Variants in PYROXD1 observed in about 807,000 individuals in gnomAD.
PYROXD1 encodes pyridine nucleotide-disulphide oxidoreductase domain 1, also known as tRNA ligase complex-associated NAD(P)H dehydrogenase PYROXD1.
PYROXD1 carries 42 observed loss-of-function variants against 62.0 expected under a neutral mutation model. That is an observed-to-expected ratio of 0.68 (90% CI 0.53 to 0.88). PYROXD1 has a LOEUF of 0.88. Among genes scored for constraint, PYROXD1 ranks in the 40% least tolerant of loss-of-function variants. PYROXD1 has a pLI of 0.00. For missense variants in PYROXD1, 493 were observed against 604.8 expected (o/e 0.82, Z 1.94); for synonymous variants, 170 against 206.4 (o/e 0.82, Z 1.51).
In PYROXD1 at chr12:21,445,346, G is replaced by A. The variant is rs748028109; in HGVS notation, c.166-1G>A. 1.3e-6 allele frequency: 2 copies of A among 1,587,632 alleles called. No individual in the cohort carries two copies. Among genetic ancestry groups the A allele is most frequent in the Non-Finnish European group, 1.7e-6 (2 of 1,172,128 alleles). On this transcript the variant is annotated splice_acceptor_variant, in intron 2 of 11. Transcript: ENST00000240651. LOFTEE classifies it high-confidence loss of function. ...ATTTTTAATCTCTTGGATCTATACAGATTTCTAAAATATTGGAAGAATTCG... is the reference window on the plus strand; with the variant it reads ...ATTTTTAATCTCTTGGATCTATACAAATTTCTAAAATATTGGAAGAATTCG...
rs1005297794 is a variant in PYROXD1, at chr12:21,461,931, T to C, written c.881-77T>C. On this transcript the variant is annotated intron_variant, in intron 8 of 11. Coordinates refer to ENST00000240651, the MANE Select transcript of PYROXD1 (RefSeq NM_024854.5). ...CTTTTTCTTTCTTTGTTTCTAGTCA[T>C]TGTAGTCACATACACTGCTGTGGTG... 10 of 738,920 alleles carry C rather than the reference T, an allele frequency of 1.4e-5. No homozygotes were observed. In the African/African-American group the frequency reaches 1.8e-4, roughly 13 times the overall value. The allele number at this position is 738,920 out of a possible 1,614,324, so 45.8% of individuals were successfully genotyped here. A position where few individuals can be genotyped will look rare whatever the true frequency, so the allele number is the denominator to read the frequency against.
Position 21,470,169 on chromosome 12 carries a change from A to G in PYROXD1, c.*1415A>G, listed in dbSNP as rs1305914608. The G allele has an allele frequency of 1.2e-6, 2 of 1,609,064 alleles. No individual in the cohort carries two copies. Among genetic ancestry groups the G allele is most frequent in the Non-Finnish European group, 1.7e-6 (2 of 1,177,542 alleles). ...CATATACATGCATAAACCATCTTTA[A>G]TTAGAAAATTTAGTAACATTCATAT... On this transcript the variant is annotated 3_prime_UTR_variant, in exon 12 of 12. Coordinates refer to ENST00000240651, the MANE Select transcript of PYROXD1 (RefSeq NM_024854.5).
chr12:21,452,100 C>A lies in PYROXD1; in HGVS notation c.434C>A (p.Thr145Asn). Residue 145 changes from threonine (T) to asparagine (N), a missense_variant, in exon 5 of 12, where the codon ACT becomes AAT. By Grantham distance (65) the Thr-to-Asn change is moderately conservative (BLOSUM62 0). Transcript: ENST00000240651. ...DSAQEFQKQL[T>N]KAKRIMIIGN... Reference sequence around the variant, plus strand: ...ACATAGGAATTTCAGAAACAGCTTACTAAAGCTAAAAGAATAATGATCATA... The same window carrying A: ...ACATAGGAATTTCAGAAACAGCTTAATAAAGCTAAAAGAATAATGATCATA... 1 of 1,587,320 alleles carries A rather than the reference C, an allele frequency of 6.3e-7. No homozygotes were observed.
At chr12:21,439,112 A>G (rs1286408529) in intron 1 of PYROXD1, among the ~76,000 whole-genome samples, 1 of 152,216 alleles carries the variant, frequency 6.6e-6, no homozygotes, top group African/African-American at 2.4e-5. Flanking sequence ...TCCAGTGGAA[A>G]AGCATGGATC....
rs145326227 is a variant in PYROXD1 at position 21,437,812 on chromosome 12, C to A, written c.82C>A (p.Gln28Lys). ...GGIAGVTCAE[Q>K]LATHFPSEDI... ...CATCGCGGGCGTCACTTGTGCGGAG[C>A]AGGTAGGGCGGTGCTCAGGCGGTTC... Residue 28 changes from glutamine (Q) to lysine (K), a missense_variant and splice_region_variant, in exon 1 of 12, where the codon CAG becomes AAG. This residue lies in a region of PYROXD1 where 164 missense variants were observed against 158.2 expected (regional missense o/e 1.04). Transcript: ENST00000240651. 8.4e-5 allele frequency: 136 copies of A among 1,612,160 alleles called. 2 individuals carry two copies. The African/African-American group carries it at 1.2e-3, about 14-fold the overall frequency.
intron 5 of PYROXD1, among the ~76,000 whole-genome samples, chr12:21,452,746 A>G (rs1942523943): frequency 6.6e-6 from 1 of 152,134 alleles, no homozygotes; most frequent in Admixed American, 6.6e-5. Flanking sequence ...CAGAAGATTG[A>G]TTCACTTCAT....
chr12:21,440,222 T>C, intron 1 of PYROXD1, 146 bp from the exon 2 acceptor site: 1 of 522,712 alleles, frequency 1.9e-6, no homozygotes, highest in Non-Finnish European at 3.4e-6. Flanking sequence ...CCAAGGATAA[T>C]GGAGACCTTT....
intron 4 of PYROXD1, among the ~76,000 whole-genome samples, chr12:21,450,216 A>C (rs533236111): frequency 9.2e-5 from 14 of 152,104 alleles, no homozygotes; most frequent in Non-Finnish European, 1.9e-4. Flanking sequence ...TTTTAAGTTC[A>C]TGCTGATGTG....
At chr12:21,445,518 G>T in intron 3 of PYROXD1, 52 bp downstream of exon 3, 1 of 1,508,040 alleles carries the variant, frequency 6.6e-7, no homozygotes. Flanking sequence ...TCTTGATGAA[G>T]TTTTGCCTGC....
In PYROXD1 at chr12:21,447,649, G is replaced by A. The variant is rs563951498; in HGVS notation, c.286-1914G>A. The A allele has an allele frequency of 3.5e-5, 6 of 173,668 alleles. No homozygotes were observed. In the South Asian group the frequency reaches 8.2e-4, roughly 24 times the overall value. The allele number at this position is 173,668 out of a possible 1,614,324, so 10.8% of individuals were successfully genotyped here. On this transcript the variant is annotated intron_variant, in intron 3 of 11. Transcript: ENST00000240651. ...CTATTTCAGGTGCAGTTGGGAATTC[G>A]GGAACTCAGTGGAGCTGTTAGTGTA... is the stretch of plus-strand genomic sequence containing the variant.
intron 7 of PYROXD1, among the ~76,000 whole-genome samples, chr12:21,460,085 G>C (rs1312838170): frequency 2.0e-5 from 3 of 152,064 alleles, no homozygotes; most frequent in African/African-American, 7.2e-5. Flanking sequence ...TAAGAAGCAT[G>C]CATGCAGTCC....
At chr12:21,442,915 G>A (rs1229473565) in intron 2 of PYROXD1, among the ~76,000 whole-genome samples, 1 of 152,106 alleles carries the variant, frequency 6.6e-6, no homozygotes, top group Non-Finnish European at 1.5e-5. Context: ...TCTTTTATGT[G>A]GTTATTCTCC....
Position 21,470,639 on chromosome 12 carries a change from T to C in PYROXD1, c.*1885T>C. The C allele has an allele frequency of 3.0e-6, 1 of 329,974 alleles. No homozygotes were observed. The highest frequency in any genetic ancestry group is 5.4e-6 in the Non-Finnish European group (1 of 183,662). 20.4% of individuals were successfully genotyped at this position (329,974 alleles called of 1,614,324 possible). A position where few individuals can be genotyped will look rare whatever the true frequency, so the allele number is the denominator to read the frequency against. ...GTATTTGGTTTAAAACAGTGGTTTC[T>C]AACCACTGGAACAGCAGAAACAGAC... On this transcript the variant is annotated 3_prime_UTR_variant, in exon 12 of 12. Transcript: ENST00000240651.
intron 6 of PYROXD1, 31 bp from the exon 7 acceptor site, chr12:21,455,964 A>G: frequency 2.1e-6 from 3 of 1,411,418 alleles, no homozygotes; most frequent in Non-Finnish European, 3.0e-6. Flanking sequence ...CTATCTGGTA[A>G]TTTTTATATT....
At chr12:21,459,665 A>G (rs1942659196) in intron 7 of PYROXD1, among the ~76,000 whole-genome samples, 1 of 152,222 alleles carries the variant, frequency 6.6e-6, no homozygotes, top group Non-Finnish European at 1.5e-5. Context: ...ATCTCCAGGT[A>G]GATAATAACA....
chr12:21,453,622 C>T (rs965178917), intron 5 of PYROXD1, among the ~76,000 whole-genome samples: 2 of 151,950 alleles, frequency 1.3e-5, no homozygotes, highest in Non-Finnish European at 2.9e-5. Context: ...AAAATGAAAG[C>T]AGTATTTCCC....
intron 5 of PYROXD1, among the ~76,000 whole-genome samples, chr12:21,454,493 G>A (rs1340713818): frequency 1.3e-5 from 2 of 151,908 alleles, no homozygotes; most frequent in African/African-American, 2.4e-5. Context: ...CCACTTCTTA[G>A]CATCTAAACC....
Position 21,470,837 on chromosome 12 carries a change from A to C in PYROXD1, c.*2083A>C. The C allele has an allele frequency of 1.8e-6, 1 of 559,362 alleles. No homozygotes were observed. The allele number at this position is 559,362 out of a possible 1,614,324, so 34.6% of individuals were successfully genotyped here. A position where few individuals can be genotyped will look rare whatever the true frequency, so the allele number is the denominator to read the frequency against. On this transcript the variant is annotated 3_prime_UTR_variant, in exon 12 of 12. Coordinates refer to ENST00000240651, the MANE Select transcript of PYROXD1 (RefSeq NM_024854.5). ...GAAAACTATATTTTCTCTCTTCCAT[A>C]CCCAGAAATCTAATCAGAAAACTGA... is the stretch of plus-strand genomic sequence containing the variant.
chr12:21,440,178 G>A (rs1942266971), intron 1 of PYROXD1, among the ~76,000 whole-genome samples, 190 bp from the exon 2 acceptor site: 1 of 152,040 alleles, frequency 6.6e-6, no homozygotes, highest in Non-Finnish European at 1.5e-5. Context: ...CTCAGTATCA[G>A]AGTTTAATAT....
Sources: gnomAD v4.1 joint callset for allele counts (sites outside exome capture counted in the v4.1 genomes callset) on GRCh38, gnomAD v4.1.1 for gene constraint, gnomAD v4.1.1 regional missense constraint, MANE v1.5 for transcripts, NCBI Gene and HGNC (gene_info 2026-07-23, HGNC 2026-07-21) for gene names.